Variants in OXR1 observed in about 807,000 individuals in gnomAD.
OXR1 encodes the protein oxidation resistance protein 1.
A neutral mutation model predicts 104.6 loss-of-function variants in OXR1; 41 were observed. That is an observed-to-expected ratio of 0.39 (90% CI 0.31 to 0.51). The LOEUF (loss-of-function observed/expected upper bound fraction) is 0.51. Among genes scored for constraint, OXR1 ranks in the 20% least tolerant of loss-of-function variants. The pLI, the probability that OXR1 is intolerant of heterozygous loss-of-function variation, is 0.77. For synonymous variants in OXR1, 348 were observed against 348.4 expected (o/e 1.00, Z 0.01); for missense variants, 955 against 1,031.9 (o/e 0.93, Z 1.02).
intron 2 of OXR1, among the ~76,000 whole-genome samples, chr8:106,454,169 A>G (rs1204175288): frequency 6.6e-6 from 1 of 151,540 alleles, no homozygotes; most frequent in Non-Finnish European, 1.5e-5. Context: ...TTTTCCACAC[A>G]GTATTCTCCA....
At chr8:106,481,194 G>T (rs779190306) in intron 2 of OXR1, among the ~76,000 whole-genome samples, 3 of 151,922 alleles carry the variant, frequency 2.0e-5, no homozygotes, top group Non-Finnish European at 4.4e-5. Context: ...TTAAATAGTT[G>T]GGCCGTTGTC....
intron 1 of OXR1, among the ~76,000 whole-genome samples, chr8:106,312,341 CA>C (rs1301583639): frequency 1.3e-5 from 2 of 152,194 alleles, no homozygotes; most frequent in Non-Finnish European, 2.9e-5. Context: ...AAATAGAGAG[CA>C]GTCTTAGAAG....
intron 3 of OXR1, among the ~76,000 whole-genome samples, chr8:106,590,746 G>A (rs1819017222): frequency 6.6e-6 from 1 of 152,122 alleles, no homozygotes; most frequent in African/African-American, 2.4e-5. Context: ...TTAAATACTA[G>A]TAAATGCAAA....
chr8:106,425,897 G>A (rs1345725451), intron 2 of OXR1, among the ~76,000 whole-genome samples: 4 of 152,118 alleles, frequency 2.6e-5, no homozygotes, highest in East Asian at 1.9e-4. Context: ...GGTTGTCTCC[G>A]ATGAGAGAGG....
intron 2 of OXR1, among the ~76,000 whole-genome samples, chr8:106,369,804 G>A (rs905018472): frequency 1.3e-5 from 2 of 152,182 alleles, no homozygotes; most frequent in African/African-American, 2.4e-5. Flanking sequence ...CTGTAGCCTT[G>A]TAATATAGTT....
intron 2 of OXR1, among the ~76,000 whole-genome samples, chr8:106,385,340 T>C (rs185690260): frequency 1.8e-4 from 28 of 152,348 alleles, no homozygotes; most frequent in East Asian, 1.2e-3. Flanking sequence ...AAAATTCTTA[T>C]TGATATTTTA....
chr8:106,305,124 G>A (rs1185909234), intron 1 of OXR1, among the ~76,000 whole-genome samples: 3 of 152,106 alleles, frequency 2.0e-5, no homozygotes, highest in Non-Finnish European at 2.9e-5. Context: ...CTATTATGTA[G>A]AGAAGAATCA....
chr8:106,353,412 A>G (rs1181122697), intron 1 of OXR1, among the ~76,000 whole-genome samples: 1 of 149,718 alleles, frequency 6.7e-6, no homozygotes, highest in East Asian at 1.9e-4. Context: ...TAGACAATCA[A>G]TTTTCACAGG....
intron 2 of OXR1, among the ~76,000 whole-genome samples, chr8:106,445,254 T>C (rs1819964854): frequency 6.6e-6 from 1 of 152,220 alleles, no homozygotes; most frequent in Non-Finnish European, 1.5e-5. Context: ...TAAGAGGCTT[T>C]ATGTAGCATG....
chr8:106,664,595 C>T (rs985720894), intron 3 of OXR1, among the ~76,000 whole-genome samples: 1 of 152,180 alleles, frequency 6.6e-6, no homozygotes, highest in Non-Finnish European at 1.5e-5. Context: ...AAGTGGCCAA[C>T]AAATTAGTCT....
chr8:106,355,801 T>C (rs1586560528), intron 1 of OXR1, among the ~76,000 whole-genome samples: 1 of 152,132 alleles, frequency 6.6e-6, no homozygotes, highest in East Asian at 1.9e-4. Context: ...AATTCCAAGT[T>C]GGTAGTTATT....
intron 2 of OXR1, among the ~76,000 whole-genome samples, chr8:106,497,792 G>GTA (rs1380728889): frequency 6.9e-6 from 1 of 145,842 alleles, no homozygotes; most frequent in African/African-American, 2.7e-5. Context: ...CACCATATGT[G>GTA]TGTGTGTGTG....
chr8:106,610,800 C>T (rs1348870007), intron 3 of OXR1, among the ~76,000 whole-genome samples: 1 of 152,156 alleles, frequency 6.6e-6, no homozygotes. Flanking sequence ...CTGATCCAAC[C>T]AATAATTAGA....
At chr8:106,396,024 G>C (rs1388993578) in intron 2 of OXR1, among the ~76,000 whole-genome samples, 1 of 152,072 alleles carries the variant, frequency 6.6e-6, no homozygotes, top group East Asian at 1.9e-4. Context: ...AATAGTGCTA[G>C]TTTACAACCC....
chr8:106,566,374 C>T (rs1466353948), intron 3 of OXR1, among the ~76,000 whole-genome samples: 1 of 152,160 alleles, frequency 6.6e-6, no homozygotes, highest in African/African-American at 2.4e-5. Flanking sequence ...AAAAAAAGCT[C>T]ATCACCACTG....
intron 3 of OXR1, among the ~76,000 whole-genome samples, chr8:106,563,240 G>C (rs1291826564): frequency 6.8e-6 from 1 of 147,044 alleles, no homozygotes; most frequent in Non-Finnish European, 1.5e-5. Flanking sequence ...ACGTGCAAAG[G>C]CACACATAGG....
At chr8:106,354,967 A>G (rs1815901371) in intron 1 of OXR1, among the ~76,000 whole-genome samples, 1 of 152,080 alleles carries the variant, frequency 6.6e-6, no homozygotes, top group Non-Finnish European at 1.5e-5. Flanking sequence ...GTATCATCCC[A>G]ATAATCCATT....
intron 1 of OXR1, among the ~76,000 whole-genome samples, chr8:106,320,059 G>A (rs1226691942): frequency 6.6e-6 from 1 of 152,204 alleles, no homozygotes; most frequent in Non-Finnish European, 1.5e-5. Context: ...CCTTAGAGCA[G>A]TGGTAACTAT....
At chr8:106,384,938 C>T (rs959912285) in intron 2 of OXR1, among the ~76,000 whole-genome samples, 1 of 152,042 alleles carries the variant, frequency 6.6e-6, no homozygotes, top group African/African-American at 2.4e-5. Context: ...TGGTCTTGAA[C>T]TCCTGGACTC....
Sources: allele counts gnomAD v4.1 joint callset (sites outside exome capture counted in the v4.1 genomes callset), GRCh38; gene constraint gnomAD v4.1.1; transcripts MANE v1.5; gene names NCBI Gene and HGNC (gene_info 2026-07-23, HGNC 2026-07-21).